Variants in SLC12A7 observed in about 807,000 individuals in gnomAD.
SLC12A7 encodes the protein K-Cl cotransporter 4.
Under a neutral mutation model 120.6 loss-of-function variants are expected in SLC12A7, and 100 were observed. That is an observed-to-expected ratio of 0.83 (90% CI 0.71 to 0.98). SLC12A7 has a LOEUF of 0.98. Ranked by LOEUF, SLC12A7 falls within the 50% of genes least tolerant of loss-of-function variation. SLC12A7 has a pLI of 0.00. For missense variants in SLC12A7, 1,373 were observed against 1,548.1 expected, an observed-to-expected ratio of 0.89 and a Z score of 1.90; for synonymous variants, 760 against 678.0, an observed-to-expected ratio of 1.12 and a Z score of -1.88.
At chr5:1,098,289 A>T (rs1194245747) in intron 1 of SLC12A7, among the ~76,000 whole-genome samples, 1 of 15,316 alleles carries the variant, frequency 6.5e-5, no homozygotes, top group Non-Finnish European at 1.2e-4. Context: ...AACCCTCTGC[A>T]AGCCCAGCCC....
At chr5:1,127,648 TA>T in the SLC12A7 span, among the ~76,000 whole-genome samples, 1 of 152,096 alleles carries the variant, frequency 6.6e-6, no homozygotes, top group Non-Finnish European at 1.5e-5. Context: ...GGAGATAAAA[TA>T]GACACATTCT....
chr5:1,078,439 C>A, intron 11 of SLC12A7: 1 of 586,654 alleles, frequency 1.7e-6, no homozygotes, highest in Non-Finnish European at 3.0e-6. Flanking sequence ...CCCGTCCACA[C>A]CCCTGTGGCC....
chr5:1,057,316 G>A, intron 22 of SLC12A7, 155 bp downstream of exon 22: 1 of 752,392 alleles, frequency 1.3e-6, no homozygotes, highest in Admixed American at 2.7e-5. Flanking sequence ...GGACCCCTCA[G>A]TGCCCACTCA....
the SLC12A7 span, among the ~76,000 whole-genome samples, chr5:1,140,787 T>C: frequency 1.3e-5 from 2 of 152,184 alleles, no homozygotes; most frequent in African/African-American, 4.8e-5. Flanking sequence ...AGGAGGGCCA[T>C]TGACAAGCAC....
At chr5:1,059,155 G>A (rs866600209) in intron 21 of SLC12A7, among the ~76,000 whole-genome samples, 1 of 152,206 alleles carries the variant, frequency 6.6e-6, no homozygotes, top group Non-Finnish European at 1.5e-5. Flanking sequence ...AGACACTCCC[G>A]GCTGCCCGGA....
the SLC12A7 span, among the ~76,000 whole-genome samples, chr5:1,126,894 A>G: frequency 6.6e-6 from 1 of 152,234 alleles, no homozygotes; most frequent in African/African-American, 2.4e-5. Context: ...CCAGAAGGAT[A>G]TGTTGAAGTT....
At chr5:1,111,521 C>T (rs912465711) in intron 1 of SLC12A7, among the ~76,000 whole-genome samples, 19 of 152,096 alleles carry the variant, frequency 1.2e-4, no homozygotes, top group Non-Finnish European at 1.5e-5. Flanking sequence ...GGGTCTCCAC[C>T]GCCACCCCTG....
Position 1,081,565 on chromosome 5 carries a change from C to T in SLC12A7, c.1297+12G>A. ...AAGAAAGAGAAGGGGAAGCCTGGAGCAGCGGGCTCACCGGTCACGGAAGGG... is the reference window on the plus strand; with the variant it reads ...AAGAAAGAGAAGGGGAAGCCTGGAGTAGCGGGCTCACCGGTCACGGAAGGG... On this transcript the variant is annotated intron_variant, in intron 9 of 23. Coordinates refer to ENST00000264930, the MANE Select transcript of SLC12A7 (RefSeq NM_006598.3). 1 of 1,594,794 alleles carries T rather than the reference C, an allele frequency of 6.3e-7. No homozygotes were observed. The highest frequency in any genetic ancestry group is 1.1e-5 in the South Asian group (1 of 90,298).
At chr5:1,119,311 G>A in the SLC12A7 span, among the ~76,000 whole-genome samples, 1 of 152,214 alleles carries the variant, frequency 6.6e-6, no homozygotes, top group African/African-American at 2.4e-5. Flanking sequence ...CCCTTTTGGG[G>A]TGAGTTTTCT....
At chr5:1,141,162 T>C in the SLC12A7 span, among the ~76,000 whole-genome samples, 3 of 152,212 alleles carry the variant, frequency 2.0e-5, no homozygotes, top group Admixed American at 6.5e-5. Context: ...TCTTCTTGGC[T>C]TGCAGGCCCC....
intron 21 of SLC12A7, among the ~76,000 whole-genome samples, chr5:1,058,542 C>A (rs957466119): frequency 2.6e-5 from 4 of 152,238 alleles, no homozygotes; most frequent in Non-Finnish European, 5.9e-5. Context: ...TTGTGAGCCC[C>A]GGGGTGATTT....
rs576738350 is a variant in SLC12A7, at chr5:1,111,921, C to G, written c.71G>C (p.Arg24Pro). The change falls in exon 1 of 24, where the codon CGG (arginine) becomes CCG (proline). Residue 24 changes from arginine (R) to proline (P), a missense_variant. By Grantham distance (103) the Arg-to-Pro change is moderately radical. Transcript: ENST00000264930. ...ADGGGDETAE[R>P]TEAPGTPEGP... ...CTCGGGGGTGCCCGGAGCCTCCGTC[C>G]GCTCGGCAGTCTCGTCCCCGCCGCC... 2.4e-6 allele frequency: 3 copies of G among 1,271,032 alleles called. No individual in the cohort carries two copies. Among genetic ancestry groups the G allele is most frequent in the Non-Finnish European group, 3.0e-6 (3 of 1,006,742 alleles). The allele number at this position is 1,271,032 out of a possible 1,614,324, so 78.7% of individuals were successfully genotyped here.
At chr5:1,112,154 G>A (rs1188756329), upstream of SLC12A7, 3 of 864,646 alleles carry the variant, frequency 3.5e-6, no homozygotes, top group African/African-American at 1.8e-5. Context: ...CGAAAAGTTG[G>A]CCCGCGGCGA....
chr5:1,084,064 T>C, intron 7 of SLC12A7, 108 bp from the exon 8 acceptor site: 1 of 885,554 alleles, frequency 1.1e-6, no homozygotes. Context: ...GAGTGGCTCC[T>C]GGCACCCTGC....
In SLC12A7 at chr5:1,073,659, G is replaced by A. The variant is rs1737970792; in HGVS notation, c.2215C>T (p.His739Tyr). 1.9e-6 allele frequency: 3 copies of A among 1,604,600 alleles called. No individual in the cohort carries two copies. The highest frequency in any genetic ancestry group is 2.6e-6 in the Non-Finnish European group (3 of 1,176,216). ...TCCTCGGCCCGCTGAGCCTCCATGT[G>A]CTTGTCCAGGTACGTCCCCTCCAGC... ...SVLEGTYLDK[H>Y]MEAQRAEENI... The change falls in exon 17 of 24, where the codon CAC becomes TAC. Residue 739 changes from histidine (H) to tyrosine (Y), a missense_variant. His to Tyr is a moderately conservative substitution (Grantham distance 83). Transcript: ENST00000264930.
upstream of SLC12A7, among the ~76,000 whole-genome samples, chr5:1,114,760 G>A (rs1032317389): frequency 6.6e-6 from 1 of 152,132 alleles, no homozygotes; most frequent in Non-Finnish European, 1.5e-5. Context: ...TGGCAAGGCC[G>A]GGGGCTCGCA....
At chr5:1,064,019 G>A (rs763752467) in intron 19 of SLC12A7, 44 bp from the exon 20 acceptor site, 32 of 1,604,674 alleles carry the variant, frequency 2.0e-5, no homozygotes, top group South Asian at 1.2e-4. Context: ...AGAGGAGCCC[G>A]TCCCGGCCCG....
intron 17 of SLC12A7, among the ~76,000 whole-genome samples, chr5:1,073,209 C>T (rs1466279744): frequency 1.0e-4 from 1 of 10,026 alleles, no homozygotes; most frequent in African/African-American, 1.3e-3. Flanking sequence ...GGGCATCACA[C>T]TTATGCAGCC....
At chr5:1,064,368 A>G in intron 18 of SLC12A7, 116 bp from the exon 19 acceptor site, 1 of 1,192,300 alleles carries the variant, frequency 8.4e-7, no homozygotes. Context: ...GGGTCCCCAC[A>G]AAGCCCCCAC....
Sources: allele counts gnomAD v4.1 joint callset (sites outside exome capture counted in the v4.1 genomes callset), GRCh38; gene constraint gnomAD v4.1.1; transcripts MANE v1.5; gene names NCBI Gene and HGNC (gene_info 2026-07-23, HGNC 2026-07-21).